Variants in RPS6KA2 observed in about 807,000 individuals in gnomAD.
RPS6KA2 encodes the protein ribosomal protein S6 kinase A2, also known as ribosomal protein S6 kinase alpha-2.
A neutral mutation model predicts 91.8 loss-of-function variants in RPS6KA2; 42 were observed. That is an observed-to-expected ratio of 0.46 (90% CI 0.36 to 0.59). The LOEUF (loss-of-function observed/expected upper bound fraction) is 0.59, where lower values mean the gene tolerates loss of function less well. RPS6KA2 is among the 20% of genes least tolerant of loss of function. RPS6KA2 has a pLI of 0.00. For missense variants in RPS6KA2, 798 were observed against 978.5 expected, an observed-to-expected ratio of 0.82 and a Z score of 2.46; for synonymous variants, 414 against 393.6, an observed-to-expected ratio of 1.05 and a Z score of -0.61.
At chr6:166,680,073 A>G (rs1788743464) in intron 2 of RPS6KA2, among the ~76,000 whole-genome samples, 1 of 152,134 alleles carries the variant, frequency 6.6e-6, no homozygotes, top group Non-Finnish European at 1.5e-5. Context: ...TTGTAAACGC[A>G]CCAATCAGCA....
At chr6:166,814,384 A>G (rs1779710792) in intron 2 of RPS6KA2, among the ~76,000 whole-genome samples, 1 of 152,254 alleles carries the variant, frequency 6.6e-6, no homozygotes, top group African/African-American at 2.4e-5. Flanking sequence ...AAAGGAAAAC[A>G]TCTTGGTAAT....
Position 166,639,160 on chromosome 6 carries a change from C to T in RPS6KA2, c.124-100376G>A, listed in dbSNP as rs147624944. 4.0e-4 allele frequency among the ~76,000 whole-genome samples: 61 copies of T among 152,244 alleles called. No individual in the cohort carries two copies. Among genetic ancestry groups the T allele is most frequent in the Non-Finnish European group, 7.4e-4 (50 of 68,006 alleles). ...TTAATGAAATGGCTGGGAAGGCAGTCGACTCCCAAATATGAGAATTTGTAT... is the reference window on the plus strand; with the variant it reads ...TTAATGAAATGGCTGGGAAGGCAGTTGACTCCCAAATATGAGAATTTGTAT... On this transcript the variant is annotated intron_variant, in intron 2 of 21. Coordinates refer to the RPS6KA2 transcript ENST00000503859. This position sits in a 1 kb window ranked among gnomAD's most constrained non-coding sequence, Gnocchi z 4.2.
chr6:166,614,703 G>T (rs747010192), intron 1 of RPS6KA2, among the ~76,000 whole-genome samples: 2 of 152,190 alleles, frequency 1.3e-5, no homozygotes, highest in African/African-American at 4.8e-5. Flanking sequence ...GGTCCCTCCG[G>T]TGACTCCATG....
rs1377851723 is a variant in RPS6KA2 at position 166,436,000 on chromosome 6, T to C, written c.1333-3510A>G. Among the ~76,000 whole-genome samples the C allele has an allele frequency of 6.6e-6, 1 of 152,220 alleles. No individual in the cohort carries two copies. The highest frequency in any genetic ancestry group is 1.5e-5 in the Non-Finnish European group (1 of 68,034). On this transcript the variant is annotated intron_variant, in intron 14 of 20. Coordinates refer to ENST00000265678, the MANE Select transcript of RPS6KA2 (RefSeq NM_021135.6). The surrounding 1 kb of genome is among the most constrained non-coding windows in gnomAD (Gnocchi z 4.3). ...CTCTCTACACCTAGCTTTCTTCATC[T>C]GTAAAACTAGAAAACACCAGGCACT...
At chr6:166,529,434 T>G (rs11970162) in intron 3 of RPS6KA2, among the ~76,000 whole-genome samples, 1 of 151,354 alleles carries the variant, frequency 6.6e-6, no homozygotes, top group South Asian at 2.1e-4. Flanking sequence ...GGTGGAGGGA[T>G]GGGGGAGGGA....
chr6:166,413,707 G>T, intron 20 of RPS6KA2, 87 bp downstream of exon 20: 1 of 1,406,522 alleles, frequency 7.1e-7, no homozygotes, highest in Non-Finnish European at 9.8e-7. Context: ...TGCACTCTGT[G>T]GTTTCTTCGG....
intron 1 of RPS6KA2, among the ~76,000 whole-genome samples, chr6:166,578,002 G>A (rs528370460): frequency 1.3e-5 from 2 of 152,118 alleles, no homozygotes; most frequent in African/African-American, 2.4e-5. Flanking sequence ...AGGGGTTTCC[G>A]CTTTTGCTTC....
At position 166,448,608 on chromosome 6, in the gene RPS6KA2, C is replaced by A. The variant is rs564159071; in HGVS notation, c.1332+116G>T. The A allele has an allele frequency of 1.4e-5, 18 of 1,316,296 alleles. No homozygotes were observed. The highest frequency in any genetic ancestry group is 1.8e-5 in the Non-Finnish European group (17 of 967,510). The allele number at this position is 1,316,296 out of a possible 1,614,324, so 81.5% of individuals were successfully genotyped here. A position where few individuals can be genotyped will look rare whatever the true frequency, so the allele number is the denominator to read the frequency against. ...CCCATGTGCTGTACATGCTCCCACA[C>A]GCTGCACTCACACAGGGCCCTGCTA... On this transcript the variant is annotated intron_variant, in intron 14 of 20. Coordinates refer to ENST00000265678, the MANE Select transcript of RPS6KA2 (RefSeq NM_021135.6). This position sits in a 1 kb window ranked among gnomAD's most constrained non-coding sequence, Gnocchi z 4.7.
chr6:166,677,688 G>A (rs944572300), intron 2 of RPS6KA2, among the ~76,000 whole-genome samples: 2 of 152,196 alleles, frequency 1.3e-5, no homozygotes, highest in Non-Finnish European at 2.9e-5. Context: ...AAAAGGGGAA[G>A]GAAGATATTT....
chr6:166,423,619 T>G lies in RPS6KA2; in HGVS notation c.1582-202A>C, dbSNP rs151302866. Among the ~76,000 whole-genome samples the G allele has an allele frequency of 9.9e-5, 15 of 152,170 alleles. No individual in the cohort carries two copies. The highest frequency in any genetic ancestry group is 1.9e-4 in the Non-Finnish European group (13 of 68,026). ...TCTCCCATTCTCCTGTGGTGGTCAC[T>G]CACTTCTGAGCTCCTGGTGTCACCT... is the stretch of plus-strand genomic sequence containing the variant. On this transcript the variant is annotated intron_variant, in intron 16 of 20. Coordinates refer to ENST00000265678, the MANE Select transcript of RPS6KA2 (RefSeq NM_021135.6). This position sits in a 1 kb window ranked among gnomAD's most constrained non-coding sequence, Gnocchi z 4.8.
At chr6:166,416,810 A>G (rs1265561837) in intron 19 of RPS6KA2, among the ~76,000 whole-genome samples, 3 of 150,434 alleles carry the variant, frequency 2.0e-5, no homozygotes, top group African/African-American at 7.4e-5. Context: ...TGCCTTCACC[A>G]TCACCTCCAT....
chr6:166,578,055 T>C (rs1490955259), intron 1 of RPS6KA2, among the ~76,000 whole-genome samples: 1 of 152,222 alleles, frequency 6.6e-6, no homozygotes, highest in Non-Finnish European at 1.5e-5. Context: ...AAATGTTTTT[T>C]GCCTCCTGCC....
At chr6:166,636,075 G>A (rs901307855) in intron 2 of RPS6KA2, among the ~76,000 whole-genome samples, 2 of 152,170 alleles carry the variant, frequency 1.3e-5, no homozygotes, top group Non-Finnish European at 2.9e-5. Flanking sequence ...TGCCTACACT[G>A]ACTCTGCTAC....
At chr6:166,517,492 G>A (rs1335807954) in intron 3 of RPS6KA2, among the ~76,000 whole-genome samples, 30 of 115,402 alleles carry the variant, frequency 2.6e-4, no homozygotes, top group African/African-American at 8.9e-4. Flanking sequence ...TTTTTGAGAC[G>A]GAGTCTCGCT....
At chr6:166,496,127 G>A (rs1343664197) in intron 8 of RPS6KA2, among the ~76,000 whole-genome samples, 1 of 152,216 alleles carries the variant, frequency 6.6e-6, no homozygotes, top group Non-Finnish European at 1.5e-5. Flanking sequence ...GAGGCTGGCA[G>A]ACTGCCTGAG....
At position 166,732,720 on chromosome 6, in the gene RPS6KA2, GGGGTGCACCCA is replaced by G. The variant is rs1790565087; in HGVS notation, c.123+125469_123+125479del. ...ACAGATGATGTTAGGTGCAGAGATG[GGGGTGCACCCA>G]GGGCACAGCACAGGGGCCCGGTCAG... On this transcript the variant is annotated intron_variant, in intron 2 of 21. Transcript: ENST00000503859. This position sits in a 1 kb window ranked among gnomAD's most constrained non-coding sequence, Gnocchi z 4.0. Among the ~76,000 whole-genome samples the G allele has an allele frequency of 6.6e-6, 1 of 152,200 alleles. No homozygotes were observed. The highest frequency in any genetic ancestry group is 2.4e-5 in the African/African-American group (1 of 41,438).
At chr6:166,531,169 A>G (rs1463104085) in intron 3 of RPS6KA2, 63 bp downstream of exon 3, 5 of 1,069,502 alleles carry the variant, frequency 4.7e-6, no homozygotes, top group Non-Finnish European at 7.3e-6. Context: ...TATTTCCTCA[A>G]ATAACGGAGT....
At chr6:166,819,080 C>T (rs1038321882) in intron 2 of RPS6KA2, among the ~76,000 whole-genome samples, 2 of 152,064 alleles carry the variant, frequency 1.3e-5, no homozygotes, top group African/African-American at 4.8e-5. Flanking sequence ...AGCACATGGA[C>T]ACGCCACTCA....
chr6:166,820,354 C>G (rs1251318379), intron 2 of RPS6KA2, among the ~76,000 whole-genome samples: 6 of 152,212 alleles, frequency 3.9e-5, no homozygotes, highest in Non-Finnish European at 7.3e-5. Context: ...CTTCCTCTAT[C>G]TCAATCTCAG....
Sources: gnomAD v4.1 joint callset for allele counts (sites outside exome capture counted in the v4.1 genomes callset) on GRCh38, gnomAD v4.1.1 for gene constraint, Gnocchi (gnomAD v3.1) non-coding constraint, MANE v1.5 for transcripts, NCBI Gene and HGNC (gene_info 2026-07-23, HGNC 2026-07-21) for gene names.